The following CRTC3 variants were observed in gnomAD, a reference collection of about 807,000 sequenced individuals.
CRTC3 encodes CREB regulated transcription coactivator 3.
In CRTC3, 26 loss-of-function variants were observed where a neutral mutation model predicts 74.5. The observed-to-expected ratio is 0.35, with a 90% CI of 0.26 to 0.48. The LOEUF is 0.48. Among genes scored for constraint, CRTC3 ranks in the 20% least tolerant of loss-of-function variants. The pLI, the probability that CRTC3 is intolerant of heterozygous loss-of-function variation, is 0.99. For synonymous variants in CRTC3, 377 were observed against 325.8 expected (o/e 1.16, Z -1.69); for missense variants, 760 against 787.3 (o/e 0.97, Z 0.41).
In CRTC3 at chr15:90,602,403, TA is replaced by T; in HGVS notation, c.413+22del. On this transcript the variant is annotated intron_variant, in intron 4 of 14. Transcript: ENST00000268184. ...TGGCCAAGGTAAGCAAGACATACTT[TA>T]AAAGATATGATGGGCATGTGTTATT... is the stretch of plus-strand genomic sequence containing the variant. The T allele has an allele frequency of 7.1e-7, 1 of 1,410,056 alleles. No homozygotes were observed. The highest frequency in any genetic ancestry group is 1.0e-6 in the Non-Finnish European group (1 of 997,394). The allele number at this position is 1,410,056 out of a possible 1,614,324, so 87.3% of individuals were successfully genotyped here. A position where few individuals can be genotyped will look rare whatever the true frequency, so the allele number is the denominator to read the frequency against.
chr15:90,617,535 T>G (rs968828155), intron 7 of CRTC3, among the ~76,000 whole-genome samples: 2 of 152,072 alleles, frequency 1.3e-5, no homozygotes, highest in African/African-American at 4.8e-5. Flanking sequence ...TTTGTTGTTG[T>G]CTTTGTTTTT....
At chr15:90,641,320 C>T (rs750593280) in intron 14 of CRTC3, 121 bp downstream of exon 14, 5 of 705,402 alleles carry the variant, frequency 7.1e-6, no homozygotes, top group Middle Eastern at 3.0e-4. Context: ...TTCCCTGGGT[C>T]GACTTGACTT....
Position 90,642,134 on chromosome 15 carries a change from A to G in CRTC3, c.1854A>G (p.Arg618=). Residue 618 remains arginine (R), a synonymous_variant, in exon 15 of 15, where the codon AGA becomes AGG. Transcript: ENST00000268184. ...PSVEETFRAD[R]L ...TTGAAGAGACGTTTCGAGCTGACAGACTGTGAACAGAAGGCAGTGGAACAG... is the reference window on the plus strand; with the variant it reads ...TTGAAGAGACGTTTCGAGCTGACAGGCTGTGAACAGAAGGCAGTGGAACAG... 1 of 1,613,816 alleles carries G rather than the reference A, an allele frequency of 6.2e-7. No homozygotes were observed. Among genetic ancestry groups the G allele is most frequent in the Non-Finnish European group, 8.5e-7 (1 of 1,179,816 alleles).
chr15:90,583,983 T>C (rs767873892), intron 2 of CRTC3, among the ~76,000 whole-genome samples: 1 of 152,080 alleles, frequency 6.6e-6, no homozygotes, highest in Non-Finnish European at 1.5e-5. Context: ...AGCCCCTTTG[T>C]TGTGGACAGG....
At chr15:90,560,486 C>G (rs1417127820) in intron 2 of CRTC3, among the ~76,000 whole-genome samples, 1 of 152,256 alleles carries the variant, frequency 6.6e-6, no homozygotes, top group Non-Finnish European at 1.5e-5. Context: ...TTTTAGCTTA[C>G]TCCACCCTCC....
chr15:90,587,653 A>C (rs1033773469), intron 2 of CRTC3, among the ~76,000 whole-genome samples: 7 of 152,062 alleles, frequency 4.6e-5, no homozygotes, highest in African/African-American at 1.7e-4. Flanking sequence ...CCCCTCTGTC[A>C]CCCAGTCTGG....
intron 2 of CRTC3, among the ~76,000 whole-genome samples, chr15:90,591,450 T>C (rs1967799456): frequency 6.6e-6 from 1 of 152,044 alleles, no homozygotes; most frequent in Non-Finnish European, 1.5e-5. Context: ...TAAAAGACAT[T>C]TCAGGAACTC....
chr15:90,576,752 A>T (rs976980661), intron 2 of CRTC3, among the ~76,000 whole-genome samples: 1 of 152,220 alleles, frequency 6.6e-6, no homozygotes, highest in Non-Finnish European at 1.5e-5. Context: ...GTGTTCCAAG[A>T]GGTCAGGAGC....
intron 1 of CRTC3, among the ~76,000 whole-genome samples, chr15:90,537,890 C>CT (rs1338334318): frequency 1.3e-5 from 2 of 152,176 alleles, no homozygotes; most frequent in Non-Finnish European, 2.9e-5. Flanking sequence ...TAGCCGTGTT[C>CT]TTTTTTAACA....
Position 90,642,428 on chromosome 15 carries a change from C to G in CRTC3, c.*288C>G, listed in dbSNP as rs1478920731. 8.2e-6 allele frequency: 4 copies of G among 489,626 alleles called. No individual in the cohort carries two copies. Among genetic ancestry groups the G allele is most frequent in the Admixed American group, 3.4e-5 (1 of 29,832 alleles). 30.3% of individuals were successfully genotyped at this position (489,626 alleles called of 1,614,324 possible). A position where few individuals can be genotyped will look rare whatever the true frequency, so the allele number is the denominator to read the frequency against. ...CACCTCCACTGCATCTTTTTACTGG[C>G]CATCCAGTCAGCCGATGTGTAAGAG... On this transcript the variant is annotated 3_prime_UTR_variant, in exon 15 of 15. Coordinates refer to ENST00000268184, the MANE Select transcript of CRTC3 (RefSeq NM_022769.5).
chr15:90,572,490 C>T (rs1353993086), intron 2 of CRTC3, among the ~76,000 whole-genome samples: 1 of 152,092 alleles, frequency 6.6e-6, no homozygotes, highest in African/African-American at 2.4e-5. Flanking sequence ...CGTATTATTC[C>T]CTGTTAAGGT....
chr15:90,558,624 C>A (rs1461522379), intron 2 of CRTC3, among the ~76,000 whole-genome samples: 1 of 152,112 alleles, frequency 6.6e-6, no homozygotes, highest in Non-Finnish European at 1.5e-5. Flanking sequence ...CTCAGCTCCT[C>A]ACTCAAATAT....
intron 2 of CRTC3, among the ~76,000 whole-genome samples, chr15:90,572,775 C>T (rs531523412): frequency 6.6e-6 from 1 of 152,222 alleles, no homozygotes; most frequent in South Asian, 2.1e-4. Flanking sequence ...GGGGTTTCAC[C>T]ATGTTGGCCA....
intron 4 of CRTC3, chr15:90,604,105 C>T (rs540847124): frequency 3.3e-6 from 1 of 305,102 alleles, no homozygotes; most frequent in East Asian, 5.5e-5. Context: ...CCCCTACATG[C>T]ACACTGAACT....
chr15:90,605,774 T>C (rs1968201101), intron 5 of CRTC3, among the ~76,000 whole-genome samples: 1 of 152,222 alleles, frequency 6.6e-6, no homozygotes, highest in Non-Finnish European at 1.5e-5. Flanking sequence ...AGAAGCACTG[T>C]AGGCTAATGA....
At chr15:90,552,452 A>G (rs1966861651) in intron 2 of CRTC3, among the ~76,000 whole-genome samples, 1 of 152,164 alleles carries the variant, frequency 6.6e-6, no homozygotes, top group Non-Finnish European at 1.5e-5. Context: ...TTCTGTGGTC[A>G]GCTCCCAGCT....
chr15:90,598,161 A>C (rs1967975376), intron 3 of CRTC3: 1 of 429,248 alleles, frequency 2.3e-6, no homozygotes, highest in Non-Finnish European at 4.3e-6. Flanking sequence ...CAGGAGAGAA[A>C]TGACTGGCTT....
rs922457681 is a variant in CRTC3, at chr15:90,626,611, C to CT, written c.967+636dup. ...GACTACATTTGTTTGAAGCCTGACA[C>CT]TTTTTTTTTTTTTTTTTTGAGATGG... On this transcript the variant is annotated intron_variant, in intron 10 of 14. Transcript: ENST00000268184. 5.4e-3 allele frequency among the ~76,000 whole-genome samples: 716 copies of CT among 133,422 alleles called. 7 individuals are homozygous for CT. Among genetic ancestry groups the CT allele is most frequent in the South Asian group, 0.032 (136 of 4,280 alleles). The allele number at this position is 133,422 out of a possible 152,430, so 87.5% of individuals were successfully genotyped here. A position where few individuals can be genotyped will look rare whatever the true frequency, so the allele number is the denominator to read the frequency against.
intron 1 of CRTC3, among the ~76,000 whole-genome samples, chr15:90,532,368 A>G (rs1468901042): frequency 2.6e-5 from 4 of 152,232 alleles, no homozygotes; most frequent in Non-Finnish European, 4.4e-5. Flanking sequence ...AAGGATCCAA[A>G]GATCCCAGTT....
Sources: allele counts gnomAD v4.1 joint callset (sites outside exome capture counted in the v4.1 genomes callset), GRCh38; gene constraint gnomAD v4.1.1; transcripts MANE v1.5; gene names NCBI Gene and HGNC (gene_info 2026-07-23, HGNC 2026-07-21).